The following RAI14 variants were observed in gnomAD, a reference collection of about 807,000 sequenced individuals.
RAI14 encodes ankycorbin.
A neutral mutation model predicts 115.4 loss-of-function variants in RAI14; 45 were observed. The ratio of observed to expected loss-of-function variants is 0.39; its 90% CI spans 0.31 to 0.50. RAI14 has a LOEUF of 0.50. Among genes scored for constraint, RAI14 ranks in the 20% least tolerant of loss-of-function variants. The probability of loss-of-function intolerance (pLI) is 0.85; values close to 1 mark genes in which losing one functional copy is unlikely to be tolerated. For missense variants in RAI14, 939 were observed against 1,131.2 expected (o/e 0.83, Z 2.44); for synonymous variants, 371 against 415.4 (o/e 0.89, Z 1.30).
intron 2 of RAI14, among the ~76,000 whole-genome samples, chr5:34,730,236 A>G (rs1435659987): frequency 6.6e-6 from 1 of 152,214 alleles, no homozygotes. Context: ...GTGCTCTCAT[A>G]CTTTGCTGGT....
intron 2 of RAI14, among the ~76,000 whole-genome samples, 161 bp downstream of exon 2, chr5:34,687,116 A>T (rs928092674): frequency 3.3e-5 from 5 of 152,178 alleles, no homozygotes; most frequent in African/African-American, 1.2e-4. Context: ...GGCATGCTCT[A>T]GGTTCCTTGC....
At chr5:34,817,368 A>T (rs1018167531) in intron 12 of RAI14, among the ~76,000 whole-genome samples, 1 of 152,166 alleles carries the variant, frequency 6.6e-6, no homozygotes. Context: ...ATGTTGCAGA[A>T]CTAGAACTCC....
chr5:34,721,713 G>A (rs1742778178), intron 2 of RAI14, among the ~76,000 whole-genome samples: 1 of 152,038 alleles, frequency 6.6e-6, no homozygotes, highest in East Asian at 1.9e-4. Context: ...TTTCTTGAAC[G>A]GACACTTTTT....
intron 1 of RAI14, among the ~76,000 whole-genome samples, chr5:34,659,596 A>C (rs912709118): frequency 1.4e-4 from 21 of 152,042 alleles, no homozygotes; most frequent in African/African-American, 4.8e-4. Flanking sequence ...GTGACACTCT[A>C]TTTCCATTTT....
Position 34,811,956 on chromosome 5 carries a change from G to T in RAI14, c.736+11G>T. 1 of 1,593,212 alleles carries T rather than the reference G, an allele frequency of 6.3e-7. No homozygotes were observed. The highest frequency in any genetic ancestry group is 8.6e-7 in the Non-Finnish European group (1 of 1,167,588). On this transcript the variant is annotated intron_variant, in intron 9 of 17. Coordinates refer to ENST00000265109, the MANE Select transcript of RAI14 (RefSeq NM_015577.3). ...TCTCTCAGGATGCTGGTATGTAAAA[G>T]AAAATAGCCAATGTTGTTTTAAGTT...
intron 2 of RAI14, 44 bp downstream of exon 2, chr5:34,686,999 A>G (rs770059509): frequency 5.0e-6 from 8 of 1,609,014 alleles, no homozygotes; most frequent in Non-Finnish European, 5.1e-6. Context: ...CTTCTTCTCC[A>G]TGGAGCTGCA....
intron 2 of RAI14, among the ~76,000 whole-genome samples, chr5:34,720,632 G>C (rs539205591): frequency 9.9e-5 from 15 of 151,904 alleles, no homozygotes; most frequent in African/African-American, 1.4e-4. Context: ...GGGTGGTCTC[G>C]ATCTCCTGAC....
intron 1 of RAI14, among the ~76,000 whole-genome samples, chr5:34,660,154 C>T (rs1247611566): frequency 4.6e-5 from 7 of 152,224 alleles, no homozygotes; most frequent in African/African-American, 9.6e-5. Context: ...GCAGCCTGGG[C>T]GACAGAGTGA....
At chr5:34,712,485 A>C (rs1056260933) in intron 2 of RAI14, among the ~76,000 whole-genome samples, 1 of 152,194 alleles carries the variant, frequency 6.6e-6, no homozygotes, top group Non-Finnish European at 1.5e-5. Flanking sequence ...GTGCTGGGTG[A>C]GAAGCAGCAT....
At chr5:34,691,513 G>C (rs1738596708) in intron 2 of RAI14, among the ~76,000 whole-genome samples, 1 of 152,106 alleles carries the variant, frequency 6.6e-6, no homozygotes, top group South Asian at 2.1e-4. Context: ...TGAAAAATGA[G>C]GCCAAAAAGG....
intron 16 of RAI14, among the ~76,000 whole-genome samples, chr5:34,829,138 T>TACAC (rs1465767410): frequency 1.1e-5 from 1 of 87,098 alleles, no homozygotes; most frequent in Admixed American, 1.4e-4. Context: ...TATATACATA[T>TACAC]ATACACACAT....
chr5:34,809,127 T>A (rs1755276057), intron 7 of RAI14, among the ~76,000 whole-genome samples: 1 of 152,220 alleles, frequency 6.6e-6, no homozygotes, highest in African/African-American at 2.4e-5. Context: ...ATTTATGTAT[T>A]ACTCTTAACC....
At chr5:34,699,103 G>A (rs561379876) in intron 2 of RAI14, among the ~76,000 whole-genome samples, 1 of 152,292 alleles carries the variant, frequency 6.6e-6, no homozygotes, top group East Asian at 1.9e-4. Context: ...TAGAAAACAT[G>A]AAAGGTGAGA....
intron 6 of RAI14, 96 bp from the exon 7 acceptor site, chr5:34,808,488 G>C: frequency 9.2e-7 from 1 of 1,088,094 alleles, no homozygotes; most frequent in Admixed American, 1.9e-5. Context: ...ATGTAGAGTG[G>C]GTAGAACATG....
At chr5:34,752,063 G>C (rs1056236630) in intron 2 of RAI14, among the ~76,000 whole-genome samples, 3 of 152,162 alleles carry the variant, frequency 2.0e-5, no homozygotes, top group African/African-American at 7.2e-5. Context: ...CAAGCACCCA[G>C]GTGATTCTTG....
chr5:34,668,612 T>C (rs1025426122), intron 1 of RAI14, among the ~76,000 whole-genome samples: 30 of 152,288 alleles, frequency 2.0e-4, no homozygotes, highest in African/African-American at 6.7e-4. Context: ...AAAAATTTCT[T>C]AGATTTTCTT....
intron 13 of RAI14, 91 bp from the exon 14 acceptor site, chr5:34,821,641 A>G: frequency 1.3e-6 from 1 of 770,130 alleles, no homozygotes; most frequent in Non-Finnish European, 2.2e-6. Context: ...CAGGAAGAAG[A>G]ACTGGATTAG....
At position 34,823,344 on chromosome 5, in the gene RAI14, G is replaced by A. The variant is rs1757111103; in HGVS notation, c.1502G>A (p.Ser501Asn). 6.2e-7 allele frequency: 1 copy of A among 1,614,056 alleles called. No individual in the cohort carries two copies. The highest frequency in any genetic ancestry group is 2.2e-5 in the East Asian group (1 of 44,882). Residue 501 changes from serine to asparagine, a missense_variant, in exon 15 of 18, where the codon AGT becomes AAT. By Grantham distance (46) the Ser-to-Asn change is conservative. Coordinates refer to ENST00000265109, the MANE Select transcript of RAI14 (RefSeq NM_015577.3). The surrounding 1 kb of genome is among the most constrained non-coding windows in gnomAD (Gnocchi z 4.5). ...GAGGAGGCTATGAAAGAAGTCCTTA[G>A]TGTGCAGAAGCAGATGAAACTCGGT... ...KYEEAMKEVLSVQKQMKLGLV... is the reference protein window; with the variant it reads ...KYEEAMKEVLNVQKQMKLGLV...
At chr5:34,750,848 A>ATTT (rs869028180) in intron 2 of RAI14, among the ~76,000 whole-genome samples, 11,821 of 83,170 alleles carry the variant, frequency 0.14, 1,091 homozygotes, top group Non-Finnish European at 0.16. Flanking sequence ...TTGCTTTATC[A>ATTT]TTTTTTTTTT....
Sources: gnomAD v4.1 joint callset for allele counts (sites outside exome capture counted in the v4.1 genomes callset) on GRCh38, gnomAD v4.1.1 for gene constraint, Gnocchi (gnomAD v3.1) non-coding constraint, MANE v1.5 for transcripts, NCBI Gene and HGNC (gene_info 2026-07-23, HGNC 2026-07-21) for gene names.